ZNF827: variants seen among roughly 807,000 people sequenced by gnomAD.
ZNF827 encodes zinc finger protein 827.
In ZNF827, 13 loss-of-function variants were observed where a neutral mutation model predicts 102.4. The ratio of observed to expected loss-of-function variants is 0.13; its 90% confidence interval spans 0.08 to 0.20. The LOEUF is 0.20. Among genes scored for constraint, ZNF827 ranks in the 10% least tolerant of loss-of-function variants. The pLI is 1.00. For missense variants in ZNF827, 1,103 were observed against 1,344.4 expected, an observed-to-expected ratio of 0.82 and a Z score of 2.81; for synonymous variants, 523 against 536.2, an observed-to-expected ratio of 0.98 and a Z score of 0.34.
Position 145,778,453 on chromosome 4 carries a change from A to T in ZNF827, c.2521+921T>A, listed in dbSNP as rs528979360. 1.5e-3 allele frequency among the ~76,000 whole-genome samples: 227 copies of T among 151,338 alleles called. 5 individuals are homozygous for T. Among genetic ancestry groups the T allele is most frequent in the Middle Eastern group, 3.4e-3 (1 of 294 alleles). The stretch of plus-strand genomic sequence containing the variant: ...CCGACAACAAAAACCTTTTTTTTTT[A>T]AAAAAGTTAGCTGGGCATAGTGGCA... On this transcript the variant is annotated intron_variant, in intron 9 of 14. Transcript: ENST00000508784.
At position 145,758,411 on chromosome 4, in the gene ZNF827, C is replaced by G. The variant is rs558611304; in HGVS notation, c.*3205G>C. 1.3e-5 allele frequency: 2 copies of G among 152,300 alleles called. No homozygotes were observed. Among genetic ancestry groups the G allele is most frequent in the African/African-American group, 4.8e-5 (2 of 41,564 alleles). 9.4% of individuals were successfully genotyped at this position (152,300 alleles called of 1,614,324 possible). A position where few individuals can be genotyped will look rare whatever the true frequency, so the allele number is the denominator to read the frequency against. Reference sequence around the variant, plus strand: ...CCTATAGTCTGAATTGTCAGGGCCACCCTTTCAGGTTTTTAACCTGCTGGT... The same window carrying G: ...CCTATAGTCTGAATTGTCAGGGCCAGCCTTTCAGGTTTTTAACCTGCTGGT... On this transcript the variant is annotated 3_prime_UTR_variant, in exon 15 of 15. Coordinates refer to ENST00000508784, the MANE Select transcript of ZNF827 (RefSeq NM_001306215.2).
chr4:145,805,809 C>T (rs62345786), intron 8 of ZNF827, among the ~76,000 whole-genome samples: 53,327 of 151,906 alleles, frequency 0.35, 10,720 homozygotes, highest in Non-Finnish European at 0.46. Context: ...CTCACCCTGA[C>T]GTCAGGGCCT....
At chr4:145,766,096 C>T (rs1396470321) in intron 11 of ZNF827, among the ~76,000 whole-genome samples, 1 of 152,160 alleles carries the variant, frequency 6.6e-6, no homozygotes, top group East Asian at 1.9e-4. Flanking sequence ...TGTGGCACAA[C>T]TGTTATCAGC....
intron 8 of ZNF827, among the ~76,000 whole-genome samples, chr4:145,806,939 C>T (rs1347896983): frequency 1.3e-5 from 2 of 152,148 alleles, no homozygotes; most frequent in African/African-American, 2.4e-5. Flanking sequence ...TAATTTAATT[C>T]ATGAATCTCC....
At position 145,885,960 on chromosome 4, in the gene ZNF827, G is replaced by T; in HGVS notation, c.1465C>A (p.Gln489Lys). The T allele has an allele frequency of 6.2e-7, 1 of 1,614,078 alleles. No individual in the cohort carries two copies. The highest frequency in any genetic ancestry group is 1.7e-4 in the Middle Eastern group (1 of 6,060). ...HLSDSACLGQQREGGGTELVG... is the reference protein window; with the variant it reads ...HLSDSACLGQKREGGGTELVG... ...AGCTCTGTCCCTCCTCCTTCCCTTT[G>T]CTGCCCCAGGCAGGCACTGTCACTG... The change falls in exon 4 of 15, where the codon CAA becomes AAA. Residue 489 changes from glutamine to lysine, a missense_variant. Transcript: ENST00000508784.
intron 7 of ZNF827, among the ~76,000 whole-genome samples, chr4:145,835,974 C>T (rs1383667872): frequency 6.6e-6 from 1 of 150,904 alleles, no homozygotes; most frequent in East Asian, 2.0e-4. Context: ...GCCTCTACAA[C>T]CCATTAGTCT....
intron 1 of ZNF827, among the ~76,000 whole-genome samples, chr4:145,904,731 C>T (rs192088258): frequency 9.5e-4 from 144 of 152,034 alleles, no homozygotes; most frequent in African/African-American, 3.2e-3. Flanking sequence ...TGTGTGTGTG[C>T]GCGTGTGTGC....
chr4:145,895,282 T>C (rs1750889604), intron 2 of ZNF827, among the ~76,000 whole-genome samples: 1 of 152,224 alleles, frequency 6.6e-6, no homozygotes. Context: ...ATGCGTTTCC[T>C]ATTCTTTCTG....
At chr4:145,793,485 G>C (rs2127070953) in intron 8 of ZNF827, among the ~76,000 whole-genome samples, 1 of 151,416 alleles carries the variant, frequency 6.6e-6, no homozygotes, top group African/African-American at 2.4e-5. Context: ...GAAGCATCCA[G>C]CATGGGAGAA....
intron 8 of ZNF827, among the ~76,000 whole-genome samples, chr4:145,790,280 GT>G (rs1739487018): frequency 6.6e-6 from 1 of 152,162 alleles, no homozygotes; most frequent in East Asian, 1.9e-4. Context: ...TCTCTTGTTT[GT>G]CATTGAACTA....
Position 145,760,266 on chromosome 4 carries a change from C to T in ZNF827, c.*1350G>A, listed in dbSNP as rs1381957363. On this transcript the variant is annotated 3_prime_UTR_variant, in exon 15 of 15. Coordinates refer to ENST00000508784, the MANE Select transcript of ZNF827 (RefSeq NM_001306215.2). ...ACCCAGGAGGGAAAAGAACGTTCAT[C>T]GCTGTTAAAGAAGCCAGTACAAAGA... 2 of 152,226 alleles carry T rather than the reference C, an allele frequency of 1.3e-5. No individual in the cohort carries two copies. Among genetic ancestry groups the T allele is most frequent in the African/African-American group, 2.4e-5 (1 of 41,436 alleles). 9.4% of individuals were successfully genotyped at this position (152,226 alleles called of 1,614,324 possible).
At chr4:145,776,923 G>A (rs1478201182) in intron 9 of ZNF827, among the ~76,000 whole-genome samples, 1 of 152,162 alleles carries the variant, frequency 6.6e-6, no homozygotes, top group Non-Finnish European at 1.5e-5. Context: ...GAATTCGTTT[G>A]ATTAATCAAG....
At chr4:145,868,203 G>C (rs1748374370) in intron 5 of ZNF827, among the ~76,000 whole-genome samples, 1 of 152,206 alleles carries the variant, frequency 6.6e-6, no homozygotes, top group Non-Finnish European at 1.5e-5. Context: ...ATGGCCACTA[G>C]AGTATGGCAG....
At chr4:145,847,222 A>C (rs1746080176) in intron 6 of ZNF827, among the ~76,000 whole-genome samples, 3 of 152,188 alleles carry the variant, frequency 2.0e-5, no homozygotes, top group Admixed American at 2.0e-4. Context: ...TCAAATATCA[A>C]GTATGTGGTC....
At chr4:145,805,425 A>C (rs1741322377) in intron 8 of ZNF827, among the ~76,000 whole-genome samples, 1 of 152,210 alleles carries the variant, frequency 6.6e-6, no homozygotes, top group South Asian at 2.1e-4. Flanking sequence ...TCCCTCTGTG[A>C]TAACTTAATG....
rs548670055 is a variant in ZNF827, at chr4:145,849,675, T to C, written c.1982-114A>G. 853 of 1,505,718 alleles carry C rather than the reference T, an allele frequency of 5.7e-4. 3 individuals are homozygous for C. The African/African-American group carries it at 0.01, about 19-fold the overall frequency. 93.3% of individuals were successfully genotyped at this position (1,505,718 alleles called of 1,614,324 possible). ...AAGATTGTGGCAGGGAAGAGAAAAATGAGCGTGCACGGCACACTGGACCAT... is the reference window on the plus strand; with the variant it reads ...AAGATTGTGGCAGGGAAGAGAAAAACGAGCGTGCACGGCACACTGGACCAT... On this transcript the variant is annotated intron_variant, in intron 5 of 14. Transcript: ENST00000508784.
intron 7 of ZNF827, among the ~76,000 whole-genome samples, chr4:145,844,554 C>G (rs904478725): frequency 1.3e-5 from 2 of 151,690 alleles, no homozygotes; most frequent in Non-Finnish European, 2.9e-5. Context: ...GTGGCATATA[C>G]CTGTAGTTCC....
chr4:145,827,964 G>A (rs568830043), intron 7 of ZNF827, among the ~76,000 whole-genome samples: 15 of 152,274 alleles, frequency 9.9e-5, no homozygotes, highest in Non-Finnish European at 1.6e-4. Context: ...CCAGCTTTGC[G>A]GTGGAAAAAG....
At chr4:145,918,418 A>C (rs1204183004) in intron 1 of ZNF827, among the ~76,000 whole-genome samples, 3 of 151,338 alleles carry the variant, frequency 2.0e-5, no homozygotes, top group Non-Finnish European at 4.4e-5. Flanking sequence ...TTATATATAA[A>C]AAAAAAAAGC....
Sources: gnomAD v4.1 joint callset for allele counts (sites outside exome capture counted in the v4.1 genomes callset) on GRCh38, gnomAD v4.1.1 for gene constraint, MANE v1.5 for transcripts, NCBI Gene and HGNC (gene_info 2026-07-23, HGNC 2026-07-21) for gene names.